CAMSAP2: variants seen among roughly 807,000 people sequenced by gnomAD.
CAMSAP2 encodes calmodulin regulated spectrin associated protein family member 2.
CAMSAP2 carries 26 observed loss-of-function variants against 146.1 expected under a neutral mutation model. The observed-to-expected ratio is 0.18, with a 90% CI of 0.13 to 0.25. The LOEUF (loss-of-function observed/expected upper bound fraction) is 0.25, where lower values mean the gene tolerates loss of function less well. Among genes scored for constraint, CAMSAP2 ranks in the 10% least tolerant of loss-of-function variants. CAMSAP2 has a pLI of 1.00. For missense variants in CAMSAP2, 1,381 were observed against 1,759.3 expected, an observed-to-expected ratio of 0.78 and a Z score of 3.85; for synonymous variants, 499 against 596.6, an observed-to-expected ratio of 0.84 and a Z score of 2.38.
In CAMSAP2 at chr1:200,848,877, A is replaced by G. The variant is rs759771702; in HGVS notation, c.2108A>G (p.Lys703Arg). The G allele has an allele frequency of 1.7e-5, 27 of 1,614,054 alleles. No individual in the cohort carries two copies. Among genetic ancestry groups the G allele is most frequent in the Non-Finnish European group, 2.2e-5 (26 of 1,180,020 alleles). ...AGGAAACTGAATCATACCGATGGAA[A>G]AAGTAGTGGAAGCAGTTCTCAAAAA... ...KFRKLNHTDG[K>R]SSGSSSQKTT... Residue 703 changes from lysine (K) to arginine (R), a missense_variant, in exon 11 of 17, where the codon AAA becomes AGA. Lys to Arg is a conservative substitution (Grantham distance 26, BLOSUM62 2). Coordinates refer to ENST00000358823, the MANE Select transcript of CAMSAP2 (RefSeq NM_203459.4).
At chr1:200,804,903 A>G (rs935518785) in intron 2 of CAMSAP2, among the ~76,000 whole-genome samples, 1 of 152,226 alleles carries the variant, frequency 6.6e-6, no homozygotes, top group South Asian at 2.1e-4. Flanking sequence ...CAACAAAATG[A>G]CTTAACTCCT....
At chr1:200,847,409 GTT>G (rs1172525860) in intron 9 of CAMSAP2, 117 bp downstream of exon 9, 64 of 740,694 alleles carry the variant, frequency 8.6e-5, no homozygotes, top group African/African-American at 2.6e-4. Flanking sequence ...GTGTGTGTGT[GTT>G]TTTTTGTTTG....
rs1304541848 is a variant in CAMSAP2 at position 200,857,623 on chromosome 1, T to C, written c.4132-131T>C. On this transcript the variant is annotated intron_variant, in intron 16 of 16. Transcript: ENST00000358823. The surrounding 1 kb of genome is among the most constrained non-coding windows in gnomAD (Gnocchi z 4.7). ...ATTTTATTAAAGACTAGCAATAGGC[T>C]TTAAGATTTGTCATTGAAATAATGT... The C allele has an allele frequency of 1.1e-6, 1 of 930,770 alleles. No homozygotes were observed. Among genetic ancestry groups the C allele is most frequent in the Non-Finnish European group, 1.6e-6 (1 of 630,934 alleles). The allele number at this position is 930,770 out of a possible 1,614,324, so 57.7% of individuals were successfully genotyped here. A position where few individuals can be genotyped will look rare whatever the true frequency, so the allele number is the denominator to read the frequency against.
intron 6 of CAMSAP2, among the ~76,000 whole-genome samples, chr1:200,836,755 T>C (rs1422746235): frequency 6.6e-6 from 1 of 152,220 alleles, no homozygotes; most frequent in Non-Finnish European, 1.5e-5. Context: ...CAACACCTAT[T>C]ATTTTTTGAC....
chr1:200,767,160 ATC>A (rs1440897380), intron 2 of CAMSAP2, among the ~76,000 whole-genome samples: 1 of 152,018 alleles, frequency 6.6e-6, no homozygotes, highest in Non-Finnish European at 1.5e-5. Context: ...GTGAAACCCC[ATC>A]TCTACTAAAA....
intron 1 of CAMSAP2, among the ~76,000 whole-genome samples, chr1:200,746,810 G>A (rs1006731826): frequency 6.6e-6 from 1 of 151,824 alleles, no homozygotes. Flanking sequence ...AGTAGAGACG[G>A]GGTTTCACCG....
chr1:200,771,300 TA>T (rs1021200982), intron 2 of CAMSAP2, among the ~76,000 whole-genome samples: 2 of 152,160 alleles, frequency 1.3e-5, no homozygotes, highest in Admixed American at 6.5e-5. Context: ...ATTTTTTATT[TA>T]AAAAATGTTT....
At chr1:200,805,707 A>T (rs2102139390) in intron 2 of CAMSAP2, among the ~76,000 whole-genome samples, 1 of 152,356 alleles carries the variant, frequency 6.6e-6, no homozygotes, top group East Asian at 1.9e-4. Context: ...CATTCAAACC[A>T]ACGACAAAAC....
intron 1 of CAMSAP2, 85 bp from the exon 2 acceptor site, chr1:200,760,754 A>T (rs1426247905): frequency 1.0e-6 from 1 of 993,496 alleles, no homozygotes; most frequent in African/African-American, 1.6e-5. Context: ...CTTAAATTCT[A>T]TGACATAAAT....
At chr1:200,815,246 T>C (rs1433146435) in intron 3 of CAMSAP2, among the ~76,000 whole-genome samples, 1 of 152,210 alleles carries the variant, frequency 6.6e-6, no homozygotes, top group East Asian at 1.9e-4. Context: ...TTTTACTTGA[T>C]ATTAGTTTGC....
intron 6 of CAMSAP2, among the ~76,000 whole-genome samples, chr1:200,833,266 C>T (rs955889095): frequency 2.2e-4 from 34 of 151,748 alleles, no homozygotes; most frequent in African/African-American, 8.2e-4. Context: ...AACTTAAAGT[C>T]ATGTACAAAA....
At chr1:200,745,721 C>T (rs142956938) in intron 1 of CAMSAP2, among the ~76,000 whole-genome samples, 1 of 152,292 alleles carries the variant, frequency 6.6e-6, no homozygotes, top group African/African-American at 2.4e-5. Flanking sequence ...ATCCGCCTGC[C>T]TCGGCCTCCC....
At chr1:200,833,356 T>G (rs1354518723) in intron 6 of CAMSAP2, among the ~76,000 whole-genome samples, 2 of 151,226 alleles carry the variant, frequency 1.3e-5, no homozygotes, top group Non-Finnish European at 2.9e-5. Flanking sequence ...AGCTCAGGAG[T>G]TCAAGACCAG....
At chr1:200,852,116 T>C (rs973038032) in intron 11 of CAMSAP2, among the ~76,000 whole-genome samples, 6 of 152,264 alleles carry the variant, frequency 3.9e-5, no homozygotes, top group African/African-American at 9.6e-5. Flanking sequence ...ATTTATGTGC[T>C]ACAACATTGG....
chr1:200,807,565 G>A (rs751411283), intron 3 of CAMSAP2, 28 bp downstream of exon 3: 8 of 1,426,828 alleles, frequency 5.6e-6, no homozygotes, highest in East Asian at 5.3e-5. Context: ...TGAGTAAATC[G>A]CATCTCATAG....
intron 2 of CAMSAP2, among the ~76,000 whole-genome samples, chr1:200,787,337 C>T (rs562907133): frequency 6.6e-6 from 1 of 152,246 alleles, no homozygotes; most frequent in African/African-American, 2.4e-5. Flanking sequence ...AAAATATCAA[C>T]ATGAACAGGA....
At chr1:200,807,584 C>A in intron 3 of CAMSAP2, 47 bp downstream of exon 3, 6 of 1,262,700 alleles carry the variant, frequency 4.8e-6, no homozygotes, top group Non-Finnish European at 5.2e-6. Flanking sequence ...AGCCAGAAAA[C>A]GTGAAATTCT....
intron 1 of CAMSAP2, among the ~76,000 whole-genome samples, chr1:200,752,211 T>C (rs185417331): frequency 4.1e-4 from 62 of 152,314 alleles, no homozygotes; most frequent in African/African-American, 1.4e-3. Context: ...ATAATTATTA[T>C]TTACAAAAGA....
chr1:200,817,233 TACAC>T (rs1166145429), intron 4 of CAMSAP2, among the ~76,000 whole-genome samples: 107 of 46,486 alleles, frequency 2.3e-3, no homozygotes, highest in African/African-American at 6.3e-3. Context: ...TGTGTGTATA[TACAC>T]ACATACACAC....
Sources: gnomAD v4.1 joint callset for allele counts (sites outside exome capture counted in the v4.1 genomes callset) on GRCh38, gnomAD v4.1.1 for gene constraint, Gnocchi (gnomAD v3.1) non-coding constraint, MANE v1.5 for transcripts, NCBI Gene and HGNC (gene_info 2026-07-23, HGNC 2026-07-21) for gene names.